ATP6V1D: variants seen among roughly 807,000 people sequenced by gnomAD.
ATP6V1D encodes V-type proton ATPase subunit D.
ATP6V1D carries 20 observed loss-of-function variants against 39.4 expected under a neutral mutation model. The ratio of observed to expected loss-of-function variants is 0.51; its 90% CI spans 0.36 to 0.74. The LOEUF is 0.74. ATP6V1D is among the 30% of genes least tolerant of loss of function. The pLI is 0.00. For missense variants in ATP6V1D, 228 were observed against 291.6 expected (o/e 0.78, Z 1.59); for synonymous variants, 100 against 100.5 (o/e 0.99, Z 0.03).
intron 1 of ATP6V1D, among the ~76,000 whole-genome samples, chr14:67,356,325 G>A (rs1373611198): frequency 6.6e-6 from 1 of 151,582 alleles, no homozygotes; most frequent in African/African-American, 2.4e-5. Context: ...GGAGTCTGAG[G>A]CACAAAAATC....
At chr14:67,344,472 CT>C (rs1363048313) in intron 6 of ATP6V1D, among the ~76,000 whole-genome samples, 1 of 152,074 alleles carries the variant, frequency 6.6e-6, no homozygotes, top group Non-Finnish European at 1.5e-5. Context: ...CATTAATAAC[CT>C]AGATATATAC....
At chr14:67,338,979 C>T (rs756526490) in intron 8 of ATP6V1D, among the ~76,000 whole-genome samples, 29 of 149,546 alleles carry the variant, frequency 1.9e-4, no homozygotes, top group Non-Finnish European at 3.8e-4. Context: ...CTGATTTAAC[C>T]TGAGACAGAA....
intron 2 of ATP6V1D, among the ~76,000 whole-genome samples, chr14:67,352,547 G>A (rs970464609): frequency 3.3e-5 from 5 of 152,252 alleles, no homozygotes; most frequent in Admixed American, 3.3e-4. Context: ...ACTTTAGATT[G>A]GGTGATCAGG....
At position 67,351,807 on chromosome 14, in the gene ATP6V1D, C is replaced by T. The variant is rs913798296; in HGVS notation, c.159+1116G>A. Among the ~76,000 whole-genome samples, 7 of 151,290 alleles carry T rather than the reference C, an allele frequency of 4.6e-5. No homozygotes were observed. In the East Asian group the frequency reaches 1.4e-3, roughly 30 times the overall value. On this transcript the variant is annotated intron_variant, in intron 2 of 8. Transcript: ENST00000216442. ...AAGTGTTGGGATTACAGGCATGAGT[C>T]ACCACACCTAGTATTAACTTTTTTT...
rs2085553332 is a variant in ATP6V1D, at chr14:67,338,023, T to C, written c.*598A>G. The C allele has an allele frequency of 6.6e-6, 1 of 152,246 alleles. No individual in the cohort carries two copies. Among genetic ancestry groups the C allele is most frequent in the South Asian group, 2.1e-4 (1 of 4,828 alleles). The allele number at this position is 152,246 out of a possible 1,614,324, so 9.4% of individuals were successfully genotyped here. On this transcript the variant is annotated 3_prime_UTR_variant, in exon 9 of 9. Transcript: ENST00000216442. Reference sequence around the variant, plus strand: ...AAAGCTCTGGCTGACACTACTGATCTGAGCATGAGAACATGACTTAACAGT... The same window carrying C: ...AAAGCTCTGGCTGACACTACTGATCCGAGCATGAGAACATGACTTAACAGT...
chr14:67,338,348 G>A lies in ATP6V1D; in HGVS notation c.*273C>T, dbSNP rs1209766174. 1 of 314,906 alleles carries A rather than the reference G, an allele frequency of 3.2e-6. No individual in the cohort carries two copies. The highest frequency in any genetic ancestry group is 5.8e-6 in the Non-Finnish European group (1 of 171,896). The allele number at this position is 314,906 out of a possible 1,614,324, so 19.5% of individuals were successfully genotyped here. A position where few individuals can be genotyped will look rare whatever the true frequency, so the allele number is the denominator to read the frequency against. ...CTAATATGCTTGGTAAGCAGATCAC[G>A]TGTAACACAGATGTAAATGGAGTAT... On this transcript the variant is annotated 3_prime_UTR_variant, in exon 9 of 9. Transcript: ENST00000216442.
intron 5 of ATP6V1D, 120 bp from the exon 6 acceptor site, chr14:67,345,991 A>C: frequency 1.5e-6 from 1 of 668,782 alleles, no homozygotes. Flanking sequence ...ACTAATCTTC[A>C]TTGAATGTAA....
In ATP6V1D at chr14:67,358,234, C is replaced by A. The variant is rs1428901033; in HGVS notation, c.41+1424G>T. Among the ~76,000 whole-genome samples, 27 of 152,174 alleles carry A rather than the reference C, an allele frequency of 1.8e-4. 1 individual carries two copies. The highest frequency in any genetic ancestry group is 1.8e-3 in the Admixed American group (27 of 15,272). On this transcript the variant is annotated intron_variant, in intron 1 of 8. Coordinates refer to ENST00000216442, the MANE Select transcript of ATP6V1D (RefSeq NM_015994.4). Reference sequence around the variant, plus strand: ...CCTAGGAGTTCTGCAGTTGTCACTACCTCGGGATAGTCCTCATCTTTATTT... The same window carrying A: ...CCTAGGAGTTCTGCAGTTGTCACTAACTCGGGATAGTCCTCATCTTTATTT...
intron 1 of ATP6V1D, among the ~76,000 whole-genome samples, chr14:67,354,916 C>A (rs184116496): frequency 6.0e-4 from 92 of 152,222 alleles, no homozygotes; most frequent in Admixed American, 1.5e-3. Context: ...CAGGTTCAAG[C>A]GATTCTCCTG....
chr14:67,358,629 G>GT (rs1369921342), intron 1 of ATP6V1D, among the ~76,000 whole-genome samples: 8 of 152,206 alleles, frequency 5.3e-5, no homozygotes, highest in Non-Finnish European at 1.0e-4. Flanking sequence ...GAGCCCAGGG[G>GT]TTTGAGGCTG....
In ATP6V1D at chr14:67,340,504, TC is replaced by T. The variant is rs760423744; in HGVS notation, c.537del (p.Ile180LeufsTer23). 4.4e-6 allele frequency: 7 copies of T among 1,605,782 alleles called. No individual in the cohort carries two copies. The highest frequency in any genetic ancestry group is 4.2e-6 in the Non-Finnish European group (5 of 1,178,866). ...VNAIEHVIIP[R>X]IERTLAYIIT... ...ATGATATAAGCAAGAGTACGTTCAA[TC>T]CGGGGAATGATGACTAGAATAAAAA... is the stretch of plus-strand genomic sequence containing the variant. On this transcript the variant is annotated frameshift_variant, in exon 8 of 9. Transcript: ENST00000216442. LOFTEE classifies it high-confidence loss of function.
chr14:67,348,668 C>T (rs1216225074), intron 4 of ATP6V1D, among the ~76,000 whole-genome samples: 4 of 150,776 alleles, frequency 2.7e-5, no homozygotes, highest in Admixed American at 6.6e-5. Context: ...GCTACAGGCG[C>T]GTGCCACCAA....
At chr14:67,342,925 A>C (rs950053350) in intron 7 of ATP6V1D, among the ~76,000 whole-genome samples, 1 of 152,180 alleles carries the variant, frequency 6.6e-6, no homozygotes, top group Admixed American at 6.5e-5. Flanking sequence ...GAAATAAAAG[A>C]GATGGAAAAT....
chr14:67,347,329 AT>A, intron 5 of ATP6V1D, 79 bp downstream of exon 5: 1 of 1,184,940 alleles, frequency 8.4e-7, no homozygotes, highest in Non-Finnish European at 1.2e-6. Context: ...ATCTAGCACC[AT>A]TTTCCAGAAC....
chr14:67,348,076 A>ATT (rs761328150), intron 4 of ATP6V1D, among the ~76,000 whole-genome samples: 2 of 140,162 alleles, frequency 1.4e-5, no homozygotes, highest in Non-Finnish European at 3.1e-5. Flanking sequence ...TGCCCAGCTA[A>ATT]TTTTTTTTTT....
At chr14:67,352,289 G>C (rs2085659288) in intron 2 of ATP6V1D, among the ~76,000 whole-genome samples, 1 of 151,980 alleles carries the variant, frequency 6.6e-6, no homozygotes, top group South Asian at 2.1e-4. Context: ...GGGCAACATA[G>C]TGAGACCTCG....
At chr14:67,350,787 G>A (rs2085650251) in intron 2 of ATP6V1D, 97 bp from the exon 3 acceptor site, 3 of 1,158,282 alleles carry the variant, frequency 2.6e-6, no homozygotes, top group Non-Finnish European at 3.7e-6. Context: ...AGTATTTTAT[G>A]CTGGCTGTGC....
chr14:67,343,640 G>T (rs1342346773), intron 6 of ATP6V1D, among the ~76,000 whole-genome samples: 1 of 152,244 alleles, frequency 6.6e-6, no homozygotes, highest in Non-Finnish European at 1.5e-5. Context: ...TGAGGTGGGA[G>T]AATCACTTGA....
chr14:67,345,658 G>C (rs1162670801), intron 6 of ATP6V1D, 110 bp downstream of exon 6: 4 of 653,156 alleles, frequency 6.1e-6, no homozygotes, highest in Middle Eastern at 3.5e-4. Context: ...AGGATCATGG[G>C]AACAGTTAAA....
Sources: allele counts gnomAD v4.1 joint callset (sites outside exome capture counted in the v4.1 genomes callset), GRCh38; gene constraint gnomAD v4.1.1; transcripts MANE v1.5; gene names NCBI Gene and HGNC (gene_info 2026-07-23, HGNC 2026-07-21).